The following DAD1 variants were observed in gnomAD, a reference collection of about 807,000 sequenced individuals.
DAD1 encodes dolichyl-diphosphooligosaccharide--protein glycosyltransferase subunit DAD1.
DAD1 carries 4 observed loss-of-function variants against 9.0 expected under a neutral mutation model. The ratio of observed to expected loss-of-function variants is 0.44; its 90% CI spans 0.22 to 1.01. DAD1 has a LOEUF of 1.01. Among genes scored for constraint, DAD1 ranks in the 50% least tolerant of loss-of-function variants. The pLI is 0.24. For missense variants in DAD1, 119 were observed against 137.3 expected, an observed-to-expected ratio of 0.87 and a Z score of 0.67; for synonymous variants, 60 against 62.5, an observed-to-expected ratio of 0.96 and a Z score of 0.19.
At chr14:22,580,810 C>A (rs1197658866) in intron 1 of DAD1, among the ~76,000 whole-genome samples, 1 of 152,108 alleles carries the variant, frequency 6.6e-6, no homozygotes. Context: ...ACGTGGGAAG[C>A]TTTCCAAAGT....
chr14:22,565,161 T>A (rs2036994673), intron 2 of DAD1, 24 bp from the exon 3 acceptor site: 1 of 702,200 alleles, frequency 1.4e-6, no homozygotes, highest in Non-Finnish European at 2.6e-6. Context: ...GCAGCAAGGT[T>A]AAATGTCTTA....
At chr14:22,567,133 A>T (rs2037006793) in intron 2 of DAD1, 1 of 152,244 alleles carries the variant, frequency 6.6e-6, no homozygotes, top group Non-Finnish European at 1.5e-5. Flanking sequence ...TGGGCAGAAG[A>T]CAGTGCCATT....
intron 1 of DAD1, among the ~76,000 whole-genome samples, chr14:22,583,005 C>CAAAAAAAAA (rs60692589): frequency 1.1e-4 from 10 of 91,702 alleles, no homozygotes; most frequent in South Asian, 3.7e-4. Context: ...GACTATGTCT[C>CAAAAAAAAA]AAAAAAAAAA....
intron 2 of DAD1, among the ~76,000 whole-genome samples, chr14:22,572,058 G>GTACTTAAAGCATAA (rs1255845101): frequency 2.0e-5 from 3 of 152,042 alleles, no homozygotes; most frequent in Non-Finnish European, 4.4e-5. Context: ...CACACACTGA[G>GTACTTAAAGCATAA]CACTCATTAT....
chr14:22,565,281 A>G, intron 2 of DAD1, 144 bp from the exon 3 acceptor site: 1 of 556,974 alleles, frequency 1.8e-6, no homozygotes, highest in Non-Finnish European at 3.2e-6. Flanking sequence ...AAAAACTAGA[A>G]AGAAGCAAGT....
chr14:22,577,567 G>A (rs1472673219), intron 1 of DAD1, among the ~76,000 whole-genome samples: 2 of 152,214 alleles, frequency 1.3e-5, no homozygotes, highest in African/African-American at 4.8e-5. Context: ...GATAAGCAAA[G>A]TGTGATGTAT....
In DAD1 at chr14:22,564,925, C is replaced by T. The variant is rs982436347; in HGVS notation, c.*257G>A. On this transcript the variant is annotated 3_prime_UTR_variant, in exon 3 of 3. Transcript: ENST00000250498. ...GCATATGGAGGAGTGGCATGGAGTT[C>T]TTTAATTTGGAAGGCAAAAGGTTAC... 7 of 585,790 alleles carry T rather than the reference C, an allele frequency of 1.2e-5. No individual in the cohort carries two copies. The highest frequency in any genetic ancestry group is 3.1e-5 in the Admixed American group (1 of 32,642). 36.3% of individuals were successfully genotyped at this position (585,790 alleles called of 1,614,324 possible). A position where few individuals can be genotyped will look rare whatever the true frequency, so the allele number is the denominator to read the frequency against.
chr14:22,574,621 A>C (rs1259311500), intron 2 of DAD1, among the ~76,000 whole-genome samples: 1 of 152,226 alleles, frequency 6.6e-6, no homozygotes, highest in Non-Finnish European at 1.5e-5. Context: ...AAATGCCCAC[A>C]GTCATTCATC....
intron 1 of DAD1, among the ~76,000 whole-genome samples, chr14:22,583,204 G>C (rs1444915904): frequency 1.3e-5 from 2 of 151,764 alleles, no homozygotes; most frequent in Non-Finnish European, 2.9e-5. Context: ...AAAATATAAA[G>C]GAGTAGTTGT....
chr14:22,572,660 T>TA (rs1320421942), intron 2 of DAD1, among the ~76,000 whole-genome samples: 1 of 152,182 alleles, frequency 6.6e-6, no homozygotes, highest in African/African-American at 2.4e-5. Flanking sequence ...TTTGAAATAC[T>TA]AAGCTCTCTG....
chr14:22,578,316 G>A (rs952618301), intron 1 of DAD1, among the ~76,000 whole-genome samples: 1 of 151,932 alleles, frequency 6.6e-6, no homozygotes, highest in Non-Finnish European at 1.5e-5. Flanking sequence ...TGTAATCCCC[G>A]CACTTTGGGA....
intron 2 of DAD1, among the ~76,000 whole-genome samples, chr14:22,569,203 G>A (rs2037021345): frequency 6.6e-6 from 1 of 152,194 alleles, no homozygotes; most frequent in Non-Finnish European, 1.5e-5. Flanking sequence ...GGGAGGCTAA[G>A]GTAGGCAGAT....
rs376683658 is a variant in DAD1 at position 22,575,186 on chromosome 14, C to T, written c.259G>A (p.Gly87Ser). 1.9e-6 allele frequency: 3 copies of T among 1,614,044 alleles called. No homozygotes were observed. The highest frequency in any genetic ancestry group is 1.3e-5 in the African/African-American group (1 of 74,910). The change falls in exon 2 of 3, where the codon GGC (glycine) becomes AGC (serine). Residue 87 changes from glycine (G) to serine (S), a missense_variant. Gly to Ser is a moderately conservative substitution (Grantham distance 56, BLOSUM62 0). Coordinates refer to ENST00000250498, the MANE Select transcript of DAD1 (RefSeq NM_001344.4). ...INPQNKADFQ[G>S]ISPERAFADF... ...GCAAAGGCTCGCTCTGGGGAGATGC[C>T]TTGGAAATCCGCTTTGTTCTGTGGG...
At chr14:22,581,308 T>G (rs2037113751) in intron 1 of DAD1, among the ~76,000 whole-genome samples, 1 of 152,198 alleles carries the variant, frequency 6.6e-6, no homozygotes, top group African/African-American at 2.4e-5. Context: ...TGGGAAGCTT[T>G]TCTTAAATTC....
intron 1 of DAD1, among the ~76,000 whole-genome samples, chr14:22,579,439 G>C (rs111735588): frequency 3.3e-5 from 5 of 152,264 alleles, no homozygotes; most frequent in African/African-American, 1.2e-4. Context: ...TTTTCATTAT[G>C]CTTAAACATG....
intron 2 of DAD1, among the ~76,000 whole-genome samples, chr14:22,571,585 T>C (rs2037040322): frequency 6.6e-6 from 1 of 150,676 alleles, no homozygotes; most frequent in African/African-American, 2.4e-5. Context: ...CTTGATCACC[T>C]GGATAGATAC....
At chr14:22,584,346 T>A (rs1462962205) in intron 1 of DAD1, among the ~76,000 whole-genome samples, 1 of 151,868 alleles carries the variant, frequency 6.6e-6, no homozygotes, top group South Asian at 2.1e-4. Context: ...CATATCTCTC[T>A]CACACACACA....
At chr14:22,586,149 T>G (rs984813881) in intron 1 of DAD1, among the ~76,000 whole-genome samples, 1 of 147,522 alleles carries the variant, frequency 6.8e-6, no homozygotes, top group Non-Finnish European at 1.5e-5. Context: ...GAGCTTGCAG[T>G]GAGCCGAGAT....
chr14:22,574,994 C>T (rs1210329727), intron 2 of DAD1, 65 bp downstream of exon 2: 5 of 1,411,862 alleles, frequency 3.5e-6, no homozygotes, highest in South Asian at 2.8e-5. Context: ...TGATCAAAAC[C>T]AGTCCCATCC....
Sources: allele counts gnomAD v4.1 joint callset (sites outside exome capture counted in the v4.1 genomes callset), GRCh38; gene constraint gnomAD v4.1.1; transcripts MANE v1.5; gene names NCBI Gene and HGNC (gene_info 2026-07-23, HGNC 2026-07-21).